Variants in C3 observed in about 807,000 individuals in gnomAD.
C3 encodes complement C3, also known as C3 and PZP-like alpha-2-macroglobulin domain-containing protein 1.
A neutral mutation model predicts 207.9 loss-of-function variants in C3; 97 were observed. That is an observed-to-expected ratio of 0.47 (90% CI 0.40 to 0.55). The LOEUF (loss-of-function observed/expected upper bound fraction) is 0.55. Among genes scored for constraint, C3 ranks in the 20% least tolerant of loss-of-function variants. The pLI, the probability that C3 is intolerant of heterozygous loss-of-function variation, is 0.00. For missense variants in C3, 1,684 were observed against 2,171.7 expected (o/e 0.78, Z 4.46); for synonymous variants, 848 against 857.6 (o/e 0.99, Z 0.20).
chr19:6,695,747 G>C (rs1038003739), intron 23 of C3, among the ~76,000 whole-genome samples: 9 of 152,020 alleles, frequency 5.9e-5, no homozygotes, highest in African/African-American at 2.2e-4. Context: ...CCAAAGTGCT[G>C]GGATTACAGG....
intron 17 of C3, among the ~76,000 whole-genome samples, chr19:6,706,747 CT>C (rs1967783188): frequency 1.3e-5 from 2 of 148,274 alleles, no homozygotes; most frequent in Non-Finnish European, 3.0e-5. Context: ...CAGAGGCCTC[CT>C]CCCCCCTCAG....
At position 6,692,917 on chromosome 19, in the gene C3, C is replaced by T; in HGVS notation, c.3390+7G>A. On this transcript the variant is annotated splice_region_variant and intron_variant, in intron 26 of 40. Transcript: ENST00000245907. ...CTTCCATTTTGCCCTAAATCCCAGCCTCTTACAATCATTTCTTGGTGTATC... is the reference window on the plus strand; with the variant it reads ...CTTCCATTTTGCCCTAAATCCCAGCTTCTTACAATCATTTCTTGGTGTATC... The T allele has an allele frequency of 3.1e-6, 5 of 1,613,792 alleles. No homozygotes were observed. The highest frequency in any genetic ancestry group is 4.2e-6 in the Non-Finnish European group (5 of 1,179,974).
chr19:6,715,214 C>T lies in C3; in HGVS notation c.505-768G>A, dbSNP rs187053711. On this transcript the variant is annotated intron_variant, in intron 4 of 40. Coordinates refer to ENST00000245907, the MANE Select transcript of C3 (RefSeq NM_000064.4). ...ATTAGGGCGAGCGCAATGGCTCAAG[C>T]CTGTAATCCCAGCACTTTGAGAGGC... Among the ~76,000 whole-genome samples the T allele has an allele frequency of 2.6e-5, 4 of 152,282 alleles. No homozygotes were observed. In the East Asian group the frequency reaches 7.7e-4, roughly 29 times the overall value.
In C3 at chr19:6,712,129, C is replaced by T. The variant is rs548152885; in HGVS notation, c.1269+128G>A. 1.5e-5 allele frequency: 19 copies of T among 1,230,034 alleles called. No individual in the cohort carries two copies. The East Asian group carries it at 2.6e-4, about 17-fold the overall frequency. 76.2% of individuals were successfully genotyped at this position (1,230,034 alleles called of 1,614,324 possible). On this transcript the variant is annotated intron_variant, in intron 11 of 40. Coordinates refer to ENST00000245907, the MANE Select transcript of C3 (RefSeq NM_000064.4). ...CTATGCAAATGGCAGGACCCCTCTG[C>T]GCAGGAGAGAACCTCTCTATGCAGA...
intron 28 of C3, chr19:6,686,514 G>A (rs575494786): frequency 2.5e-4 from 175 of 712,428 alleles, no homozygotes; most frequent in African/African-American, 2.1e-3. Flanking sequence ...AATAAATGAC[G>A]CAACAAACTT....
At position 6,710,974 on chromosome 19, in the gene C3, G is replaced by C. The variant is rs368352750; in HGVS notation, c.1479+13C>G. On this transcript the variant is annotated intron_variant, in intron 12 of 40. Transcript: ENST00000245907. ...GAGGAGGCGGGGGCTGAGGTTTCCA[G>C]GTGGCCACGGACCAGGTAGGTGTAG... 2.5e-5 allele frequency: 41 copies of C among 1,613,238 alleles called. No individual in the cohort carries two copies. The Middle Eastern group carries it at 8.2e-4, about 32-fold the overall frequency.
intron 11 of C3, among the ~76,000 whole-genome samples, chr19:6,711,405 G>A (rs1214534454): frequency 2.6e-5 from 4 of 152,142 alleles, no homozygotes; most frequent in African/African-American, 9.7e-5. Context: ...GGGCAGGGGA[G>A]AAAGGAGAGA....
At chr19:6,702,360 T>G (rs1033377945) in intron 18 of C3, 111 bp downstream of exon 18, 8 of 980,206 alleles carry the variant, frequency 8.2e-6, no homozygotes, top group Non-Finnish European at 1.3e-5. Context: ...TTTTTCTAGG[T>G]TGGGCTGTGG....
At chr19:6,679,996 A>G (rs1238838296) in intron 36 of C3, 162 bp downstream of exon 36, 2 of 660,268 alleles carry the variant, frequency 3.0e-6, no homozygotes, top group Non-Finnish European at 5.6e-6. Flanking sequence ...ACCTCAACTC[A>G]TAGATCCTTG....
At chr19:6,687,114 G>A (rs914255471) in intron 27 of C3, among the ~76,000 whole-genome samples, 2 of 152,126 alleles carry the variant, frequency 1.3e-5, no homozygotes, top group African/African-American at 2.4e-5. Flanking sequence ...AGAAATCCAC[G>A]TACCCCGTGG....
chr19:6,698,720 C>T (rs1378524018), intron 19 of C3, among the ~76,000 whole-genome samples: 1 of 151,980 alleles, frequency 6.6e-6, no homozygotes, highest in Non-Finnish European at 1.5e-5. Flanking sequence ...AAAACCAAAC[C>T]CAATGAAACA....
intron 23 of C3, 110 bp downstream of exon 23, chr19:6,696,269 A>T: frequency 1.4e-6 from 1 of 720,092 alleles, no homozygotes; most frequent in Non-Finnish European, 2.5e-6. Flanking sequence ...GGGCTGTTCT[A>T]GCTGAAGGGG....
rs2230207 is a variant in C3 at position 6,702,137 on chromosome 19, C to T, written c.2430G>A (p.Ser810=). ...AGCATCCTCTCTCACCTTTCTTGTC[C>T]GACATGCTCACAGCCAGAATCTCCC... The part of the protein sequence containing the change: ...TTWEILAVSM[S]DKKGICVADP... Residue 810 remains serine, a synonymous_variant, in exon 19 of 41, where the codon TCG becomes TCA. Coordinates refer to ENST00000245907, the MANE Select transcript of C3 (RefSeq NM_000064.4). The T allele has an allele frequency of 8.9e-3, 14,089 of 1,590,206 alleles. 936 individuals carry two copies. The African/African-American group carries it at 0.15, about 17-fold the overall frequency.
intron 14 of C3, among the ~76,000 whole-genome samples, 174 bp downstream of exon 14, chr19:6,709,510 T>C (rs757443029): frequency 2.6e-5 from 4 of 152,072 alleles, no homozygotes; most frequent in Admixed American, 6.6e-5. Context: ...TTGGAACCCA[T>C]GTCCAACCTC....
chr19:6,686,494 G>A (rs1036748166), intron 28 of C3: 25 of 706,964 alleles, frequency 3.5e-5, no homozygotes, highest in African/African-American at 3.2e-4. Context: ...TGCTTAATAC[G>A]CATTTGTTGA....
chr19:6,678,538 G>A, intron 38 of C3, 83 bp from the exon 39 acceptor site: 1 of 1,098,988 alleles, frequency 9.1e-7, no homozygotes, highest in Non-Finnish European at 1.4e-6. Context: ...ACCCGGGCAT[G>A]TGGCTCTCTC....
chr19:6,687,406 A>G (rs1786985573), intron 27 of C3, among the ~76,000 whole-genome samples: 1 of 152,136 alleles, frequency 6.6e-6, no homozygotes, highest in South Asian at 2.1e-4. Flanking sequence ...GCTCACACTT[A>G]CTTTGTGTCA....
At chr19:6,684,488 G>T in intron 32 of C3, 49 bp from the exon 33 acceptor site, 2 of 1,583,572 alleles carry the variant, frequency 1.3e-6, no homozygotes, top group Non-Finnish European at 1.7e-6. Context: ...CCTGTGTGTT[G>T]ATTCAGGAGC....
chr19:6,689,310 T>C (rs1470338146), intron 27 of C3, among the ~76,000 whole-genome samples: 163 of 118,296 alleles, frequency 1.4e-3, no homozygotes, highest in African/African-American at 4.7e-3. Flanking sequence ...TCTCTCTCTC[T>C]CTCTCTCTCT....
Sources: allele counts gnomAD v4.1 joint callset (sites outside exome capture counted in the v4.1 genomes callset), GRCh38; gene constraint gnomAD v4.1.1; transcripts MANE v1.5; gene names NCBI Gene and HGNC (gene_info 2026-07-23, HGNC 2026-07-21).